PCID2: variants seen among roughly 807,000 people sequenced by gnomAD.
PCID2 encodes the protein PCI domain-containing protein 2.
In PCID2, 41 loss-of-function variants were observed where a neutral mutation model predicts 61.3. The ratio of observed to expected loss-of-function variants is 0.67; its 90% CI spans 0.52 to 0.87. The LOEUF is 0.87. Among genes scored for constraint, PCID2 ranks in the 40% least tolerant of loss-of-function variants. PCID2 has a pLI of 0.00. For synonymous variants in PCID2, 187 were observed against 177.8 expected (o/e 1.05, Z -0.41); for missense variants, 392 against 493.4 (o/e 0.79, Z 1.95).
At chr13:113,199,105 G>T (rs1246385357) in intron 2 of PCID2, among the ~76,000 whole-genome samples, 1 of 152,190 alleles carries the variant, frequency 6.6e-6, no homozygotes, top group Non-Finnish European at 1.5e-5. Flanking sequence ...AACTTGACTA[G>T]CTGTGGAGTC....
In PCID2 at chr13:113,208,347, T is replaced by C. The variant is rs918061748; in HGVS notation, c.36+252A>G. 4.9e-6 allele frequency: 7 copies of C among 1,433,014 alleles called. No homozygotes were observed. In the African/African-American group the frequency reaches 7.2e-5, roughly 15 times the overall value. 88.8% of individuals were successfully genotyped at this position (1,433,014 alleles called of 1,614,324 possible). A position where few individuals can be genotyped will look rare whatever the true frequency, so the allele number is the denominator to read the frequency against. On this transcript the variant is annotated intron_variant, in intron 1 of 13. Coordinates refer to ENST00000337344, the MANE Select transcript of PCID2 (RefSeq NM_001127202.4). ...AGCGACCTGGGACCGCCGCGTCTAC[T>C]TACACCGCGACGACTCCGCGATCCA...
chr13:113,193,885 G>C lies in PCID2; in HGVS notation c.363+1186C>G, dbSNP rs2038803233. Among the ~76,000 whole-genome samples the C allele has an allele frequency of 3.3e-5, 5 of 152,242 alleles. No individual in the cohort carries two copies. The South Asian group carries it at 8.3e-4, about 25-fold the overall frequency. On this transcript the variant is annotated intron_variant, in intron 6 of 13. Transcript: ENST00000337344. ...CCAACATTTGTACAATCTCAGCCTT[G>C]GTGTCTTCTGCTGAATGTTTTTTCT...
intron 7 of PCID2, 30 bp from the exon 8 acceptor site, chr13:113,185,590 A>G (rs1372521527): frequency 1.0e-5 from 14 of 1,399,300 alleles, no homozygotes. Context: ...TTTAAGTTAC[A>G]TAGGAAATAA....
chr13:113,198,145 A>G, intron 3 of PCID2, 46 bp downstream of exon 3: 1 of 1,242,418 alleles, frequency 8.0e-7, no homozygotes, highest in Non-Finnish European at 1.1e-6. Context: ...CAGTTAATTC[A>G]GCAATTTCCA....
Position 113,178,958 on chromosome 13 carries a change from T to G in PCID2, c.1110+8A>C. ...TAGCTGCTTAAATTAAAACCAGGAC[T>G]CACACACCATGTATATCAAGTTAGC... is the stretch of plus-strand genomic sequence containing the variant. On this transcript the variant is annotated splice_region_variant and intron_variant, in intron 13 of 13. Transcript: ENST00000337344. 6.2e-7 allele frequency: 1 copy of G among 1,610,068 alleles called. No homozygotes were observed. The highest frequency in any genetic ancestry group is 8.5e-7 in the Non-Finnish European group (1 of 1,178,456).
intron 7 of PCID2, chr13:113,186,913 C>T (rs909773518): frequency 3.9e-5 from 6 of 152,174 alleles, no homozygotes; most frequent in African/African-American, 1.4e-4. Flanking sequence ...GTTTACAAGC[C>T]ACAGAACATA....
chr13:113,194,356 G>T (rs372565190), intron 6 of PCID2, among the ~76,000 whole-genome samples: 21 of 151,964 alleles, frequency 1.4e-4, no homozygotes, highest in African/African-American at 4.3e-4. Flanking sequence ...GGTTTCTAAC[G>T]CGCCCAGTCC....
At chr13:113,187,900 A>C (rs2038261007) in intron 7 of PCID2, 1 of 152,234 alleles carries the variant, frequency 6.6e-6, no homozygotes, top group South Asian at 2.1e-4. Flanking sequence ...CTGAGAAGCC[A>C]CTGCCTAATC....
downstream of PCID2, among the ~76,000 whole-genome samples, chr13:113,174,299 C>T (rs139217093): frequency 1.0e-3 from 154 of 151,988 alleles, no homozygotes; most frequent in African/African-American, 3.4e-3. Context: ...TGAAGACCCT[C>T]CCTCCGTAAT....
intron 1 of PCID2, among the ~76,000 whole-genome samples, chr13:113,204,228 T>C (rs759979810): frequency 2.6e-5 from 4 of 152,246 alleles, no homozygotes; most frequent in Non-Finnish European, 4.4e-5. Context: ...TTAACATCAG[T>C]ACTCTGGTGA....
Position 113,207,074 on chromosome 13 carries a change from G to A in PCID2, c.36+1525C>T, listed in dbSNP as rs1051109701. On this transcript the variant is annotated intron_variant, in intron 1 of 13. Transcript: ENST00000337344. ...TCCAATCCCTCCCTGAAATACACGA[G>A]CTGATGCCCAAGGTATGATGACGAC... Among the ~76,000 whole-genome samples the A allele has an allele frequency of 2.6e-5, 4 of 152,308 alleles. No homozygotes were observed. The East Asian group carries it at 7.7e-4, about 29-fold the overall frequency.
In PCID2 at chr13:113,205,786, A is replaced by T. The variant is rs549882626; in HGVS notation, c.36+2813T>A. ...GCAAATCCATACAGACAGAGAGCAC[A>T]TTAGCGGTTGACAAGCGCTCGGGAG... On this transcript the variant is annotated intron_variant, in intron 1 of 13. Transcript: ENST00000337344. Among the ~76,000 whole-genome samples, 3 of 152,358 alleles carry T rather than the reference A, an allele frequency of 2.0e-5. No homozygotes were observed. In the South Asian group the frequency reaches 6.2e-4, roughly 32 times the overall value.
At chr13:113,182,331 A>G (rs773423381) in intron 9 of PCID2, among the ~76,000 whole-genome samples, 1 of 152,140 alleles carries the variant, frequency 6.6e-6, no homozygotes, top group Non-Finnish European at 1.5e-5. Context: ...CCACAAAGCC[A>G]TGACCCACGA....
rs1170882094 is a variant in PCID2, at chr13:113,208,656, G to A, written c.-22C>T. On this transcript the variant is annotated 5_prime_UTR_variant, in exon 1 of 14. Transcript: ENST00000337344. Reference sequence around the variant, plus strand: ...CCATGGGAGCGCCGCCGAACGGAGAGCGCCACCCCCTACGCCTCAAGCGGG... The same window carrying A: ...CCATGGGAGCGCCGCCGAACGGAGAACGCCACCCCCTACGCCTCAAGCGGG... 6.2e-7 allele frequency: 1 copy of A among 1,603,278 alleles called. No individual in the cohort carries two copies. Among genetic ancestry groups the A allele is most frequent in the African/African-American group, 1.3e-5 (1 of 74,438 alleles).
chr13:113,193,763 T>C (rs914606260), intron 6 of PCID2, among the ~76,000 whole-genome samples: 3 of 152,204 alleles, frequency 2.0e-5, no homozygotes, highest in African/African-American at 7.2e-5. Context: ...TATCGCCTAT[T>C]TCCTTGTTGA....
chr13:113,169,060 T>C, the PCID2 span, among the ~76,000 whole-genome samples: 1 of 152,134 alleles, frequency 6.6e-6, no homozygotes, highest in Admixed American at 6.5e-5. Context: ...CTCTCCTCCT[T>C]CTCCCTGCTC....
chr13:113,179,973 G>T lies in PCID2; in HGVS notation c.930C>A (p.Ile310=), dbSNP rs761034287. The T allele has an allele frequency of 1.1e-5, 18 of 1,614,064 alleles. No individual in the cohort carries two copies. In the South Asian group the frequency reaches 1.9e-4, roughly 17 times the overall value. Residue 310 remains isoleucine (I), a synonymous_variant, in exon 12 of 14, where the codon ATC becomes ATA. Transcript: ENST00000337344. This position sits in a 1 kb window ranked among gnomAD's most constrained non-coding sequence, Gnocchi z 4.3. ...KHEAFFIRCG[I]FLILEKLKII... ...TCTTCAGCTTCTCCAGGATGAGGAA[G>T]ATTCCGCAGCGAATGAAGAAGGCCT...
chr13:113,191,675 GAAGA>G (rs760778107), intron 6 of PCID2, among the ~76,000 whole-genome samples: 14 of 152,188 alleles, frequency 9.2e-5, no homozygotes, highest in Non-Finnish European at 1.8e-4. Context: ...CTTGGTTAAA[GAAGA>G]AAGAGTCTGT....
At chr13:113,198,686 C>CA (rs1275014145) in intron 2 of PCID2, among the ~76,000 whole-genome samples, 3 of 152,074 alleles carry the variant, frequency 2.0e-5, no homozygotes, top group African/African-American at 7.3e-5. Context: ...GCCTGGGTGA[C>CA]AGAGGGAGAC....
Sources: gnomAD v4.1 joint callset for allele counts (sites outside exome capture counted in the v4.1 genomes callset) on GRCh38, gnomAD v4.1.1 for gene constraint, Gnocchi (gnomAD v3.1) non-coding constraint, MANE v1.5 for transcripts, NCBI Gene and HGNC (gene_info 2026-07-23, HGNC 2026-07-21) for gene names.